The following MAP3K14 variants were observed in gnomAD, a reference collection of about 807,000 sequenced individuals.
MAP3K14 encodes NF-kappa-beta-inducing kinase.
In MAP3K14, 16 loss-of-function variants were observed where a neutral mutation model predicts 99.2. The ratio of observed to expected loss-of-function variants is 0.16; its 90% CI spans 0.11 to 0.24. MAP3K14 has a LOEUF of 0.24. Among genes scored for constraint, MAP3K14 ranks in the 10% least tolerant of loss-of-function variants. MAP3K14 has a pLI of 1.00. For missense variants in MAP3K14, 784 were observed against 1,208.7 expected (o/e 0.65, Z 5.21); for synonymous variants, 462 against 492.4 (o/e 0.94, Z 0.82).
At chr17:45,277,983 C>A (rs868159088) in intron 6 of MAP3K14, among the ~76,000 whole-genome samples, 2 of 152,090 alleles carry the variant, frequency 1.3e-5, no homozygotes, top group South Asian at 2.1e-4. Flanking sequence ...ATGGAAGGAC[C>A]CTTTTTCTTT....
intron 6 of MAP3K14, among the ~76,000 whole-genome samples, chr17:45,280,759 G>A (rs756313609): frequency 8.6e-5 from 13 of 151,718 alleles, no homozygotes; most frequent in African/African-American, 1.2e-4. Context: ...ACAGGCATGC[G>A]CTACCACACC....
At position 45,274,110 on chromosome 17, in the gene MAP3K14, G is replaced by A. The variant is rs774609726; in HGVS notation, c.1552+13C>T. On this transcript the variant is annotated intron_variant, in intron 8 of 15. Transcript: ENST00000344686. ...GCCTGCTGGGGATCAGGGCCGTGGGGCCTGGGCCTTACCTTTGACGTCCCC... is the reference window on the plus strand; with the variant it reads ...GCCTGCTGGGGATCAGGGCCGTGGGACCTGGGCCTTACCTTTGACGTCCCC... The A allele has an allele frequency of 3.7e-6, 6 of 1,609,420 alleles. No individual in the cohort carries two copies. In the African/African-American group the frequency reaches 8.0e-5, roughly 21 times the overall value.
At chr17:45,277,030 A>C (rs2044186041) in intron 6 of MAP3K14, among the ~76,000 whole-genome samples, 2 of 147,328 alleles carry the variant, frequency 1.4e-5, no homozygotes, top group Admixed American at 6.8e-5. Context: ...GAGTTTCACC[A>C]CGTTGGCCAG....
At chr17:45,295,928 C>T (rs2044343447) in intron 1 of MAP3K14, among the ~76,000 whole-genome samples, 1 of 152,170 alleles carries the variant, frequency 6.6e-6, no homozygotes, top group African/African-American at 2.4e-5. Context: ...TGAGCCTTAC[C>T]TAGTTCATGC....
chr17:45,284,789 T>G, intron 6 of MAP3K14, 23 bp downstream of exon 6: 14 of 1,576,926 alleles, frequency 8.9e-6, no homozygotes, highest in Non-Finnish European at 1.1e-5. Flanking sequence ...CCCTCTTCAC[T>G]CAGCCCCTGA....
intron 1 of MAP3K14, among the ~76,000 whole-genome samples, chr17:45,314,450 C>T (rs952358250): frequency 6.6e-6 from 1 of 152,160 alleles, no homozygotes; most frequent in African/African-American, 2.4e-5. Context: ...GAATTGTCCC[C>T]GGCCCACCAA....
At chr17:45,302,517 A>G (rs1313488242) in intron 1 of MAP3K14, among the ~76,000 whole-genome samples, 2 of 152,094 alleles carry the variant, frequency 1.3e-5, no homozygotes, top group Non-Finnish European at 2.9e-5. Flanking sequence ...CATGTTGGCC[A>G]GGCTGGTCTC....
intron 14 of MAP3K14, 62 bp from the exon 15 acceptor site, chr17:45,265,325 C>G: frequency 9.2e-7 from 1 of 1,087,104 alleles, no homozygotes; most frequent in Non-Finnish European, 1.4e-6. Flanking sequence ...GACCAGGGTC[C>G]TGGCAGGGGC....
chr17:45,301,645 A>G (rs1477844930), intron 1 of MAP3K14, among the ~76,000 whole-genome samples: 1 of 152,178 alleles, frequency 6.6e-6, no homozygotes. Context: ...ATACAGAAGC[A>G]TATCTAAAAT....
At chr17:45,273,919 G>A in intron 8 of MAP3K14, 1 of 704,778 alleles carries the variant, frequency 1.4e-6, no homozygotes, top group Non-Finnish European at 2.3e-6. Context: ...TCGGTTCTCT[G>A]TGGCCACCGT....
chr17:45,280,871 A>C (rs1175806077), intron 6 of MAP3K14, among the ~76,000 whole-genome samples: 1 of 152,098 alleles, frequency 6.6e-6, no homozygotes, highest in Non-Finnish European at 1.5e-5. Flanking sequence ...TTGGCCTTCC[A>C]AAGTGCTGGG....
chr17:45,297,877 T>A (rs1268649874), intron 1 of MAP3K14, among the ~76,000 whole-genome samples: 1 of 152,034 alleles, frequency 6.6e-6, no homozygotes, highest in Non-Finnish European at 1.5e-5. Context: ...TGCCACCACA[T>A]CTGGCTAATT....
rs776479300 is a variant in MAP3K14 at position 45,265,156 on chromosome 17, C to T, written c.2679+7G>A. Reference sequence around the variant, plus strand: ...TCTGCCCGTCAGAGTGTACCTGCCCCCCTTACCTGGCTGCTGATGCCAGTG... The same window carrying T: ...TCTGCCCGTCAGAGTGTACCTGCCCTCCTTACCTGGCTGCTGATGCCAGTG... On this transcript the variant is annotated splice_region_variant and intron_variant, in intron 15 of 15. Coordinates refer to ENST00000344686, the MANE Select transcript of MAP3K14 (RefSeq NM_003954.5). The T allele has an allele frequency of 3.9e-5, 63 of 1,611,272 alleles. No homozygotes were observed. Among genetic ancestry groups the T allele is most frequent in the Admixed American group, 6.7e-5 (4 of 60,002 alleles).
chr17:45,308,203 C>T (rs1049030587), intron 1 of MAP3K14, among the ~76,000 whole-genome samples: 1 of 152,242 alleles, frequency 6.6e-6, no homozygotes, highest in East Asian at 1.9e-4. Flanking sequence ...AAGTCTTGTA[C>T]TTTCACTCAA....
chr17:45,316,618 G>C (rs1028897328), intron 1 of MAP3K14, among the ~76,000 whole-genome samples: 9 of 152,332 alleles, frequency 5.9e-5, no homozygotes, highest in Middle Eastern at 3.4e-3. Context: ...TGGGGGCACT[G>C]GGGCGCAGAG....
At position 45,267,374 on chromosome 17, in the gene MAP3K14, C is replaced by T. The variant is rs776117126; in HGVS notation, c.2326+32G>A. The stretch of plus-strand genomic sequence containing the variant: ...CCGCGGGTGGCCCAGGGCCAGTGCT[C>T]AGGGCCCCACTGCAGCCACGGCTGC... On this transcript the variant is annotated intron_variant, in intron 12 of 15. Coordinates refer to ENST00000344686, the MANE Select transcript of MAP3K14 (RefSeq NM_003954.5). This position sits in a 1 kb window ranked among gnomAD's most constrained non-coding sequence, Gnocchi z 5.1. The T allele has an allele frequency of 3.4e-5, 52 of 1,551,438 alleles. No individual in the cohort carries two copies. The highest frequency in any genetic ancestry group is 4.3e-5 in the Non-Finnish European group (49 of 1,147,624).
Position 45,290,807 on chromosome 17 carries a change from G to GACC in MAP3K14, c.-20-45_-20-43dup, listed in dbSNP as rs2044304493. ...ACAGAGCAGGTCACTTAGAATCCCA[G>GACC]ACCTGGGAGAACACAGGTCAGCCTT... On this transcript the variant is annotated intron_variant, in intron 1 of 15. Transcript: ENST00000344686. The GACC allele has an allele frequency of 1.3e-5, 20 of 1,581,414 alleles. No homozygotes were observed. The East Asian group carries it at 4.5e-4, about 36-fold the overall frequency.
chr17:45,264,415 G>A lies in MAP3K14; in HGVS notation c.*221C>T, dbSNP rs761189873. The A allele has an allele frequency of 5.9e-5, 32 of 544,752 alleles. No individual in the cohort carries two copies. Among genetic ancestry groups the A allele is most frequent in the Admixed American group, 2.0e-4 (6 of 30,308 alleles). The allele number at this position is 544,752 out of a possible 1,614,324, so 33.7% of individuals were successfully genotyped here. ...CTGCCATCCTCCTCTGTCTCTTCAC[G>A]TGGCGGAGTGTTTTCTCAGCAGGGT... is the stretch of plus-strand genomic sequence containing the variant. On this transcript the variant is annotated 3_prime_UTR_variant, in exon 16 of 16. Coordinates refer to ENST00000344686, the MANE Select transcript of MAP3K14 (RefSeq NM_003954.5).
At chr17:45,311,782 T>C (rs927594467) in intron 1 of MAP3K14, among the ~76,000 whole-genome samples, 2 of 152,010 alleles carry the variant, frequency 1.3e-5, no homozygotes, top group African/African-American at 4.8e-5. Flanking sequence ...AAAAGGTTTT[T>C]CACACCAAAA....
Sources: gnomAD v4.1 joint callset for allele counts (sites outside exome capture counted in the v4.1 genomes callset) on GRCh38, gnomAD v4.1.1 for gene constraint, Gnocchi (gnomAD v3.1) non-coding constraint, MANE v1.5 for transcripts, NCBI Gene and HGNC (gene_info 2026-07-23, HGNC 2026-07-21) for gene names.